The following TLE2 variants were observed in gnomAD, a reference collection of about 807,000 sequenced individuals.
TLE2 encodes transducin-like enhancer protein 2.
Under a neutral mutation model 97.2 loss-of-function variants are expected in TLE2, and 74 were observed. That is an observed-to-expected ratio of 0.76 (90% CI 0.63 to 0.92). TLE2 has a LOEUF of 0.92. Ranked by LOEUF, TLE2 falls within the 40% of genes least tolerant of loss-of-function variation. The pLI, the probability that TLE2 is intolerant of heterozygous loss-of-function variation, is 0.00. For missense variants in TLE2, 1,038 were observed against 1,008.7 expected (o/e 1.03, Z -0.39); for synonymous variants, 499 against 432.1 (o/e 1.15, Z -1.92).
At chr19:3,021,144 C>G (rs8106924) in intron 5 of TLE2, among the ~76,000 whole-genome samples, 49,155 of 103,076 alleles carry the variant, frequency 0.48, 14,869 homozygotes, top group African/African-American at 0.73. Flanking sequence ...TGGTGACTCA[C>G]ACCTGTAATC....
rs1244530633 is a variant in TLE2, at chr19:3,012,252, C to T, written c.874-1092G>A. 2.1e-5 allele frequency among the ~76,000 whole-genome samples: 3 copies of T among 145,448 alleles called. No individual in the cohort carries two copies. In the East Asian group the frequency reaches 6.1e-4, roughly 30 times the overall value. On this transcript the variant is annotated intron_variant, in intron 11 of 19. Coordinates refer to ENST00000262953, the MANE Select transcript of TLE2 (RefSeq NM_003260.5). ...TGGGTGACAGAGCGAGACTCCATCT[C>T]CAAAACGAAAAACAAACAAAAGGCA...
chr19:3,038,515 C>G (rs531178869), intron 1 of TLE2, among the ~76,000 whole-genome samples: 1 of 152,370 alleles, frequency 6.6e-6, no homozygotes, highest in East Asian at 1.9e-4. Flanking sequence ...GTCCAGCCCC[C>G]ACTATGTCCT....
chr19:3,036,152 G>C (rs1568254596), intron 1 of TLE2, among the ~76,000 whole-genome samples: 1 of 152,212 alleles, frequency 6.6e-6, no homozygotes, highest in South Asian at 2.1e-4. Flanking sequence ...CCCCAGGTGG[G>C]GGGGATGGGC....
At chr19:3,013,388 A>G (rs1175924403) in intron 11 of TLE2, among the ~76,000 whole-genome samples, 12 of 151,904 alleles carry the variant, frequency 7.9e-5, no homozygotes, top group Admixed American at 7.2e-4. Flanking sequence ...GGGATTTCCT[A>G]TTGATTGCAA....
In TLE2 at chr19:3,019,470, G is replaced by A. The variant is rs1406683886; in HGVS notation, c.370-7C>T. 2.0e-6 allele frequency: 3 copies of A among 1,509,894 alleles called. No individual in the cohort carries two copies. In the East Asian group the frequency reaches 7.4e-5, roughly 37 times the overall value. The allele number at this position is 1,509,894 out of a possible 1,614,324, so 93.5% of individuals were successfully genotyped here. ...ACAGCGGCTGGAGCTGCTGCTGCTA[G>A]AAAGGAGGCAGGATGGGCCGGGGCG... On this transcript the variant is annotated splice_region_variant and splice_polypyrimidine_tract_variant and intron_variant, in intron 6 of 19. Transcript: ENST00000262953. This position sits in a 1 kb window ranked among gnomAD's most constrained non-coding sequence, Gnocchi z 5.1.
upstream of TLE2, among the ~76,000 whole-genome samples, chr19:3,029,386 C>A (rs1378725667): frequency 4.1e-5 from 6 of 147,306 alleles, no homozygotes; most frequent in South Asian, 4.2e-4. Flanking sequence ...CGCCCGCGCC[C>A]CCCCCGGCCC....
intron 11 of TLE2, 58 bp downstream of exon 11, chr19:3,013,611 T>A: frequency 7.6e-7 from 1 of 1,319,928 alleles, no homozygotes; most frequent in South Asian, 2.9e-5. Flanking sequence ...GGGTAGCGTC[T>A]GCTTCGGGGC....
intron 8 of TLE2, among the ~76,000 whole-genome samples, chr19:3,017,140 CTGT>C (rs2145170044): frequency 6.6e-6 from 1 of 151,322 alleles, no homozygotes; most frequent in South Asian, 2.1e-4. Flanking sequence ...GTTGTGGTTG[CTGT>C]TGTTTGTTTT....
Position 3,019,245 on chromosome 19 carries a change from G to A in TLE2, c.550+38C>T, listed in dbSNP as rs188857566. On this transcript the variant is annotated intron_variant, in intron 7 of 19. Transcript: ENST00000262953. The surrounding 1 kb of genome is among the most constrained non-coding windows in gnomAD (Gnocchi z 5.1). ...ACTGCCAGTCGTCCTCCCCAGCCCC[G>A]TCTCCCCAGCCAATGCCACCCCGTG... 75 of 1,550,718 alleles carry A rather than the reference G, an allele frequency of 4.8e-5. No individual in the cohort carries two copies. Among genetic ancestry groups the A allele is most frequent in the African/African-American group, 8.2e-5 (6 of 73,498 alleles).
chr19:3,019,669 C>T lies in TLE2; in HGVS notation c.369+30G>A, dbSNP rs529324188. 98 of 1,599,024 alleles carry T rather than the reference C, an allele frequency of 6.1e-5. 1 individual carries two copies. The East Asian group carries it at 2.1e-3, about 34-fold the overall frequency. Reference sequence around the variant, plus strand: ...AGGGACCTGGGAGTGGGCGTCTCCCCATGGCGGGGCAGGGGCTAGAGAGAC... The same window carrying T: ...AGGGACCTGGGAGTGGGCGTCTCCCTATGGCGGGGCAGGGGCTAGAGAGAC... On this transcript the variant is annotated intron_variant, in intron 6 of 19. Transcript: ENST00000262953. The surrounding 1 kb of genome is among the most constrained non-coding windows in gnomAD (Gnocchi z 5.1).
At chr19:3,027,808 G>A (rs1398204996) in intron 4 of TLE2, 21 bp downstream of exon 4, 4 of 1,608,616 alleles carry the variant, frequency 2.5e-6, no homozygotes, top group African/African-American at 2.7e-5. Context: ...TCCTGAACAC[G>A]CGTAACCCCA....
In TLE2 at chr19:3,021,112, AAAG is replaced by A. The variant is rs1300747711; in HGVS notation, c.295-1342_295-1340del. Among the ~76,000 whole-genome samples the A allele has an allele frequency of 3.3e-3, 256 of 76,924 alleles. 14 individuals are homozygous for A. Among genetic ancestry groups the A allele is most frequent in the South Asian group, 0.012 (22 of 1,808 alleles). The allele number at this position is 76,924 out of a possible 152,430, so 50.5% of individuals were successfully genotyped here. On this transcript the variant is annotated intron_variant, in intron 5 of 19. Coordinates refer to ENST00000262953, the MANE Select transcript of TLE2 (RefSeq NM_003260.5). The stretch of plus-strand genomic sequence containing the variant: ...TCAAAAAAAAAAAAAAAAAAAAAAA[AAAG>A]GGGGGGGGGTGCTGAGCGTGGTGAC...
chr19:2,998,278 A>AAT (rs1568227433), intron 19 of TLE2, among the ~76,000 whole-genome samples: 16 of 106,672 alleles, frequency 1.5e-4, no homozygotes, highest in African/African-American at 4.6e-4. Flanking sequence ...TGTGTGTGTA[A>AAT]TTTTTTTTTT....
Position 3,029,191 on chromosome 19 carries a change from G to T in TLE2, c.-287C>A, listed in dbSNP as rs1277166865. 1.5e-6 allele frequency: 1 copy of T among 645,994 alleles called. No individual in the cohort carries two copies. Among genetic ancestry groups the T allele is most frequent in the African/African-American group, 2.0e-5 (1 of 50,046 alleles). 40.0% of individuals were successfully genotyped at this position (645,994 alleles called of 1,614,324 possible). On this transcript the variant is annotated 5_prime_UTR_variant, in exon 1 of 20. The change creates a new upstream start codon in the 5' untranslated region. Transcript: ENST00000262953. ...GAGGGCGGCCGCGGCAGCCGGCGCA[G>T]AAGGTCGGGCGCGCCGCGGCCGGGT...
rs2089685929 is a variant in TLE2, at chr19:3,015,646, C to T, written c.678+7G>A. On this transcript the variant is annotated splice_region_variant and intron_variant, in intron 9 of 19. Transcript: ENST00000262953. ...CCCATCCCAGTCCTGCACCTGCCCC[C>T]ACTCACATAAGGTCCTGATGGCTCC... The T allele has an allele frequency of 1.2e-6, 2 of 1,601,046 alleles. No individual in the cohort carries two copies. Among genetic ancestry groups the T allele is most frequent in the East Asian group, 2.3e-5 (1 of 44,362 alleles).
intron 19 of TLE2, among the ~76,000 whole-genome samples, chr19:2,998,887 G>A (rs1343845785): frequency 6.6e-6 from 1 of 152,210 alleles, no homozygotes; most frequent in Admixed American, 6.6e-5. Flanking sequence ...CCAAGGCAAT[G>A]GCTTAGACCA....
At chr19:3,010,135 G>A (rs1169241504) in intron 12 of TLE2, among the ~76,000 whole-genome samples, 3 of 151,422 alleles carry the variant, frequency 2.0e-5, no homozygotes, top group Non-Finnish European at 4.4e-5. Flanking sequence ...AGGCCGAGGT[G>A]GGCGGATCAC....
chr19:3,043,365 T>A (rs1458931845), intron 1 of TLE2, among the ~76,000 whole-genome samples: 2 of 94,822 alleles, frequency 2.1e-5, no homozygotes, highest in Non-Finnish European at 3.9e-5. Context: ...CTTCTGCAGC[T>A]TTTTTTTTTT....
chr19:3,040,878 G>T (rs1372544720), intron 1 of TLE2, among the ~76,000 whole-genome samples: 2 of 149,888 alleles, frequency 1.3e-5, no homozygotes, highest in South Asian at 2.1e-4. Context: ...TCCAGTTTCT[G>T]GTTTGCAGTG....
Sources: gnomAD v4.1 joint callset for allele counts (sites outside exome capture counted in the v4.1 genomes callset) on GRCh38, gnomAD v4.1.1 for gene constraint, Gnocchi (gnomAD v3.1) non-coding constraint, MANE v1.5 for transcripts, NCBI Gene and HGNC (gene_info 2026-07-23, HGNC 2026-07-21) for gene names.